Variants in PHF14 observed in about 807,000 individuals in gnomAD.
PHF14 encodes the protein PHD finger protein 14.
In PHF14, 55 loss-of-function variants were observed where a neutral mutation model predicts 117.9. That is an observed-to-expected ratio of 0.47 (90% CI 0.38 to 0.58). The LOEUF (loss-of-function observed/expected upper bound fraction) is 0.58. Among genes scored for constraint, PHF14 ranks in the 20% least tolerant of loss-of-function variants. The probability of loss-of-function intolerance (pLI) is 0.00; values close to 1 mark genes in which losing one functional copy is unlikely to be tolerated. For missense variants in PHF14, 978 were observed against 1,122.2 expected, an observed-to-expected ratio of 0.87 and a Z score of 1.84; for synonymous variants, 409 against 368.6, an observed-to-expected ratio of 1.11 and a Z score of -1.26.
rs144031519 is a variant in PHF14 at position 11,155,553 on chromosome 7, T to C, written c.2773-13863T>C. Among the ~76,000 whole-genome samples the C allele has an allele frequency of 4.1e-4, 62 of 152,326 alleles. 1 individual carries two copies. Among genetic ancestry groups the C allele is most frequent in the African/African-American group, 1.3e-3 (55 of 41,582 alleles). ...TGTTTGCTTGACCAACTCTTTCTTA[T>C]CCTTCATGTCTCATTGCATTAGTCA... is the stretch of plus-strand genomic sequence containing the variant. On this transcript the variant is annotated intron_variant, in intron 17 of 17. Transcript: ENST00000634607.
At chr7:11,136,790 C>A (rs1323170118) in intron 17 of PHF14, among the ~76,000 whole-genome samples, 4 of 151,962 alleles carry the variant, frequency 2.6e-5, no homozygotes, top group Non-Finnish European at 5.9e-5. Context: ...AAAGACTTGT[C>A]TAGATATTTA....
intron 16 of PHF14, among the ~76,000 whole-genome samples, chr7:11,065,233 A>G (rs558579796): frequency 7.9e-5 from 12 of 152,160 alleles, no homozygotes; most frequent in African/African-American, 1.2e-4. Context: ...TCAACTAAAT[A>G]TATATTTCTT....
chr7:11,101,664 T>C (rs1425759019), intron 16 of PHF14, among the ~76,000 whole-genome samples: 1 of 151,894 alleles, frequency 6.6e-6, no homozygotes, highest in East Asian at 1.9e-4. Context: ...AGTAACGCTT[T>C]ATTTGTCTGT....
At chr7:11,023,006 T>C (rs755661504) in intron 6 of PHF14, 27 bp downstream of exon 6, 15 of 1,304,644 alleles carry the variant, frequency 1.1e-5, no homozygotes. Context: ...TTTTGATTGC[T>C]TGAAAGAGAA....
intron 11 of PHF14, 68 bp from the exon 12 acceptor site, chr7:11,040,604 A>G (rs576709104): frequency 1.4e-6 from 1 of 707,802 alleles, no homozygotes; most frequent in Non-Finnish European, 2.2e-6. Context: ...TTGAGTGGCA[A>G]TTAGAGGAAA....
intron 16 of PHF14, chr7:11,105,608 C>T (rs1384396074): frequency 2.0e-6 from 2 of 984,410 alleles, no homozygotes; most frequent in African/African-American, 1.7e-5. Flanking sequence ...AAGGCAGAAT[C>T]ATTTTTTCTA....
chr7:11,149,356 A>G (rs1788643180), intron 17 of PHF14, among the ~76,000 whole-genome samples: 1 of 152,284 alleles, frequency 6.6e-6, no homozygotes, highest in African/African-American at 2.4e-5. Context: ...ACATAAATTC[A>G]GATTCTAACT....
At chr7:11,092,437 G>A (rs1396635950) in intron 16 of PHF14, among the ~76,000 whole-genome samples, 1 of 152,172 alleles carries the variant, frequency 6.6e-6, no homozygotes, top group East Asian at 1.9e-4. Flanking sequence ...TATGCATAAA[G>A]CCCTTATGCT....
intron 16 of PHF14, among the ~76,000 whole-genome samples, chr7:11,089,345 T>C (rs1200786438): frequency 6.6e-6 from 1 of 152,200 alleles, no homozygotes; most frequent in East Asian, 1.9e-4. Context: ...CTTTTATATA[T>C]GTATATCTTT....
At chr7:11,095,002 G>T (rs549461449) in intron 16 of PHF14, among the ~76,000 whole-genome samples, 7 of 152,048 alleles carry the variant, frequency 4.6e-5, no homozygotes, top group Non-Finnish European at 1.0e-4. Context: ...CTAGCCAGAG[G>T]CAGTTCAAAG....
chr7:11,108,507 C>G (rs1787343142), intron 16 of PHF14: 1 of 151,648 alleles, frequency 6.6e-6, no homozygotes, highest in South Asian at 2.1e-4. Context: ...ATTCTTTTTC[C>G]TTTGGAATGC....
intron 4 of PHF14, among the ~76,000 whole-genome samples, chr7:10,995,953 C>T (rs1320729126): frequency 6.6e-6 from 1 of 152,250 alleles, no homozygotes; most frequent in East Asian, 1.9e-4. Context: ...CCACCCTCGG[C>T]CAGCCCAGAG....
At chr7:11,006,558 T>A (rs1376181635) in intron 4 of PHF14, 3 of 592,296 alleles carry the variant, frequency 5.1e-6, no homozygotes, top group Non-Finnish European at 9.7e-6. Context: ...CTGGTGCTTG[T>A]TGGCTTTAAC....
In PHF14 at chr7:11,145,669, A is replaced by G. The variant is rs185163562; in HGVS notation, c.2773-23747A>G. Among the ~76,000 whole-genome samples, 858 of 152,178 alleles carry G rather than the reference A, an allele frequency of 5.6e-3. 4 individuals are homozygous for G. Among genetic ancestry groups the G allele is most frequent in the Non-Finnish European group, 0.01 (681 of 67,944 alleles). On this transcript the variant is annotated intron_variant, in intron 17 of 17. Coordinates refer to ENST00000634607, the MANE Select transcript of PHF14 (RefSeq NM_001007157.2). ...ACTTCATCGAACTATTTAAAGAACT[A>G]CTTTTCTGATCAAATAACTATGCTT...
chr7:11,009,139 T>G (rs1282074813), intron 4 of PHF14, among the ~76,000 whole-genome samples: 1 of 152,162 alleles, frequency 6.6e-6, no homozygotes, highest in Non-Finnish European at 1.5e-5. Context: ...AATGGCAACT[T>G]TTATATACCT....
At position 10,982,402 on chromosome 7, in the gene PHF14, A is replaced by G. The variant is rs1468819491; in HGVS notation, c.143A>G (p.Asp48Gly). Residue 48 changes from aspartate to glycine, a missense_variant, in exon 3 of 18, where the codon GAT becomes GGT. Physicochemically the swap from Asp to Gly is moderately conservative, Grantham distance 94. Transcript: ENST00000634607. ...GAAGGGAGTGGTAATGGAAGTGAAG[A>G]TGCTTCAAAGGACAGTGGAGAAGGT... ...DSEGSGNGSE[D>G]ASKDSGEGSC... 1.3e-6 allele frequency: 2 copies of G among 1,568,372 alleles called. No individual in the cohort carries two copies. Among genetic ancestry groups the G allele is most frequent in the East Asian group, 4.5e-5 (2 of 44,448 alleles).
At chr7:11,008,862 C>T (rs1370096065) in intron 4 of PHF14, among the ~76,000 whole-genome samples, 6 of 151,588 alleles carry the variant, frequency 4.0e-5, no homozygotes, top group South Asian at 4.2e-4. Flanking sequence ...GGTGAAACCC[C>T]GTCTCTACTA....
intron 16 of PHF14, chr7:11,104,103 G>A: frequency 2.0e-6 from 2 of 984,810 alleles, no homozygotes; most frequent in Non-Finnish European, 2.4e-6. Context: ...ATTACTCGCA[G>A]TTGCTTTATT....
At chr7:11,100,351 A>G (rs1472156484) in intron 16 of PHF14, among the ~76,000 whole-genome samples, 1 of 151,976 alleles carries the variant, frequency 6.6e-6, no homozygotes, top group Non-Finnish European at 1.5e-5. Context: ...TGTATCCCAG[A>G]CTATGTTTTC....
Sources: gnomAD v4.1 joint callset for allele counts (sites outside exome capture counted in the v4.1 genomes callset) on GRCh38, gnomAD v4.1.1 for gene constraint, MANE v1.5 for transcripts, NCBI Gene and HGNC (gene_info 2026-07-23, HGNC 2026-07-21) for gene names.